TSNARE1: variants seen among roughly 807,000 people sequenced by gnomAD.
TSNARE1 encodes the protein t-SNARE domain-containing protein 1.
In TSNARE1, 49 loss-of-function variants were observed where a neutral mutation model predicts 62.0. That is an observed-to-expected ratio of 0.79 (90% CI 0.63 to 1.00). The LOEUF is 1.00. Among genes scored for constraint, TSNARE1 ranks in the 50% least tolerant of loss-of-function variants. The pLI is 0.00. For synonymous variants in TSNARE1, 328 were observed against 294.4 expected, an observed-to-expected ratio of 1.11 and a Z score of -1.17; for missense variants, 755 against 700.1, an observed-to-expected ratio of 1.08 and a Z score of -0.88.
chr8:142,331,055 C>T (rs1308375260), intron 5 of TSNARE1, 85 bp from the exon 6 acceptor site: 1 of 1,279,590 alleles, frequency 7.8e-7, no homozygotes, highest in Non-Finnish European at 1.1e-6. Context: ...CACTGCAGCC[C>T]GGGCAGGGTG....
At chr8:142,365,602 G>GCGCGCACACA (rs149020570) in intron 1 of TSNARE1, among the ~76,000 whole-genome samples, 1 of 144,404 alleles carries the variant, frequency 6.9e-6, no homozygotes, top group Non-Finnish European at 1.5e-5. Flanking sequence ...ACATGCACAC[G>GCGCGCACACA]CACACACACA....
intron 1 of TSNARE1, among the ~76,000 whole-genome samples, chr8:142,377,690 G>C (rs991619493): frequency 6.6e-6 from 1 of 152,124 alleles, no homozygotes; most frequent in Non-Finnish European, 1.5e-5. Flanking sequence ...AGCTTGTGGG[G>C]GTGCGAAGCA....
chr8:142,229,068 G>A (rs1156875782), intron 13 of TSNARE1, among the ~76,000 whole-genome samples: 3 of 148,234 alleles, frequency 2.0e-5, no homozygotes, highest in African/African-American at 7.6e-5. Context: ...GATAAATGGT[G>A]GGTGGGTGGA....
intron 4 of TSNARE1, among the ~76,000 whole-genome samples, chr8:142,343,431 T>C (rs997351381): frequency 1.3e-5 from 2 of 151,662 alleles, no homozygotes; most frequent in Admixed American, 1.3e-4. Flanking sequence ...TAGAAATGCC[T>C]GATTCTCGGT....
rs373941243 is a variant in TSNARE1, at chr8:142,371,336, G to A, written c.-39-16573C>T. On this transcript the variant is annotated intron_variant, in intron 1 of 13. Coordinates refer to ENST00000524325, the MANE Select transcript of TSNARE1 (RefSeq NM_145003.5). ...AAAAAACCCTGCAGGAAGCAAAGTCGGGTGAATGGCTGCCAGGGGCTAGGG... is the reference window on the plus strand; with the variant it reads ...AAAAAACCCTGCAGGAAGCAAAGTCAGGTGAATGGCTGCCAGGGGCTAGGG... 5.9e-5 allele frequency among the ~76,000 whole-genome samples: 9 copies of A among 152,296 alleles called. No homozygotes were observed. The East Asian group carries it at 7.7e-4, about 13-fold the overall frequency.
intron 6 of TSNARE1, among the ~76,000 whole-genome samples, chr8:142,324,544 C>T (rs1197838362): frequency 1.3e-5 from 2 of 152,212 alleles, no homozygotes; most frequent in Non-Finnish European, 2.9e-5. Flanking sequence ...CGGAGGCTCT[C>T]GCATTTGCTT....
At chr8:142,266,404 A>G (rs1227824735) in intron 12 of TSNARE1, among the ~76,000 whole-genome samples, 4 of 152,196 alleles carry the variant, frequency 2.6e-5, no homozygotes, top group African/African-American at 9.7e-5. Flanking sequence ...ACCCCTTTTC[A>G]TGAAGGCCTG....
intron 13 of TSNARE1, among the ~76,000 whole-genome samples, chr8:142,219,410 C>T (rs548241241): frequency 3.0e-4 from 45 of 152,188 alleles, no homozygotes; most frequent in Non-Finnish European, 5.0e-4. Flanking sequence ...CCCTGCAGGT[C>T]GGGTCCCGGT....
intron 12 of TSNARE1, among the ~76,000 whole-genome samples, chr8:142,257,093 T>C (rs908172134): frequency 6.6e-6 from 1 of 152,172 alleles, no homozygotes; most frequent in Non-Finnish European, 1.5e-5. Flanking sequence ...CCAATCACCA[T>C]AGACACAGAC....
chr8:142,323,155 G>A (rs1181955982), intron 6 of TSNARE1, among the ~76,000 whole-genome samples: 2 of 152,336 alleles, frequency 1.3e-5, no homozygotes, highest in African/African-American at 4.8e-5. Context: ...GCTGGATGAC[G>A]ATATTGTTAT....
intron 1 of TSNARE1, among the ~76,000 whole-genome samples, chr8:142,355,577 G>T (rs941161385): frequency 6.6e-5 from 10 of 152,318 alleles, no homozygotes; most frequent in African/African-American, 2.4e-4. Flanking sequence ...GATAACGGGA[G>T]CTCTCCTGCC....
chr8:142,335,030 A>G (rs149716517), intron 4 of TSNARE1, among the ~76,000 whole-genome samples: 1 of 152,238 alleles, frequency 6.6e-6, no homozygotes, highest in Admixed American at 6.5e-5. Flanking sequence ...AGATACGTTC[A>G]TTTATTTAAA....
At chr8:142,288,460 G>A (rs1823157836) in intron 10 of TSNARE1, among the ~76,000 whole-genome samples, 1 of 152,262 alleles carries the variant, frequency 6.6e-6, no homozygotes, top group Non-Finnish European at 1.5e-5. Flanking sequence ...GGCAGTGGCA[G>A]AAGTGATTTT....
chr8:142,391,870 T>C (rs1837559415), intron 1 of TSNARE1, among the ~76,000 whole-genome samples: 1 of 152,204 alleles, frequency 6.6e-6, no homozygotes, highest in Non-Finnish European at 1.5e-5. Flanking sequence ...GAGCACAGCC[T>C]ACTGGGCTGA....
At position 142,276,332 on chromosome 8, in the gene TSNARE1, G is replaced by A. The variant is rs1484080766; in HGVS notation, c.1364-1469C>T. The A allele has an allele frequency of 1.0e-5, 10 of 985,486 alleles. No individual in the cohort carries two copies. In the East Asian group the frequency reaches 3.4e-4, roughly 34 times the overall value. 61.0% of individuals were successfully genotyped at this position (985,486 alleles called of 1,614,324 possible). The stretch of plus-strand genomic sequence containing the variant: ...ACGACCCTCTGAGCCAATGGAGGAG[G>A]AGAGGGAAGGAAGATGGGGCCAGAG... On this transcript the variant is annotated intron_variant, in intron 11 of 13. Coordinates refer to ENST00000524325, the MANE Select transcript of TSNARE1 (RefSeq NM_145003.5).
intron 12 of TSNARE1, chr8:142,270,201 A>G: frequency 1.0e-6 from 1 of 985,320 alleles, no homozygotes; most frequent in Non-Finnish European, 1.2e-6. Context: ...CAGGGACTGG[A>G]GATGTGGCAG....
At chr8:142,376,278 C>A (rs2131126465) in intron 1 of TSNARE1, among the ~76,000 whole-genome samples, 1 of 152,314 alleles carries the variant, frequency 6.6e-6, no homozygotes, top group South Asian at 2.1e-4. Context: ...CTGAGGGGAA[C>A]TTGAGAACCG....
rs928565167 is a variant in TSNARE1, at chr8:142,300,571, C to T, written c.1205G>A (p.Gly402Asp). The change falls in exon 10 of 14, where the codon GGC (glycine) becomes GAC (aspartate). Residue 402 changes from glycine (G) to aspartate (D), a missense_variant. Coordinates refer to ENST00000524325, the MANE Select transcript of TSNARE1 (RefSeq NM_145003.5). The part of the protein sequence containing the change: ...VFNGSDNMWQ[G>D]QEQALLPDIT... ...GTCCGGGAGCAGCGCCTGCTCCTGG[C>T]CCTGCCACATGTTGTCACTCCCGTT... The T allele has an allele frequency of 1.9e-6, 3 of 1,613,346 alleles. No homozygotes were observed. The highest frequency in any genetic ancestry group is 2.5e-6 in the Non-Finnish European group (3 of 1,180,012).
chr8:142,292,927 T>C (rs953102085), intron 10 of TSNARE1, among the ~76,000 whole-genome samples: 8 of 152,080 alleles, frequency 5.3e-5, no homozygotes, highest in African/African-American at 1.9e-4. Flanking sequence ...GTCGGGCTCT[T>C]CACGGGGTGG....
Sources: gnomAD v4.1 joint callset for allele counts (sites outside exome capture counted in the v4.1 genomes callset) on GRCh38, gnomAD v4.1.1 for gene constraint, MANE v1.5 for transcripts, NCBI Gene and HGNC (gene_info 2026-07-23, HGNC 2026-07-21) for gene names.